ZMYND11: variants seen among roughly 807,000 people sequenced by gnomAD.
The protein encoded by ZMYND11 is zinc finger MYND-type containing 11.
In ZMYND11, 9 loss-of-function variants were observed where a neutral mutation model predicts 84.9. The observed-to-expected ratio is 0.11, with a 90% CI of 0.06 to 0.18. The LOEUF (loss-of-function observed/expected upper bound fraction) is 0.18, where lower values mean the gene tolerates loss of function less well. Among genes scored for constraint, ZMYND11 ranks in the 10% least tolerant of loss-of-function variants. ZMYND11 has a pLI of 1.00. For synonymous variants in ZMYND11, 250 were observed against 244.1 expected (o/e 1.02, Z -0.23); for missense variants, 409 against 761.0 (o/e 0.54, Z 5.44).
chr10:239,539 G>GTGAT lies in ZMYND11; in HGVS notation c.697+15_697+16insGATT. On this transcript the variant is annotated intron_variant, in intron 7 of 14. Transcript: ENST00000381604. ...TTTTCTATGGAGGTTGAATATTTTT[G>GTGAT]TTTTTTTTGTATGCATTTTTAAACA... 1 of 1,472,784 alleles carries GTGAT rather than the reference G, an allele frequency of 6.8e-7. No homozygotes were observed. The highest frequency in any genetic ancestry group is 9.3e-7 in the Non-Finnish European group (1 of 1,077,148). 91.2% of individuals were successfully genotyped at this position (1,472,784 alleles called of 1,614,324 possible).
chr10:245,020 A>C (rs1951832857), intron 10 of ZMYND11, among the ~76,000 whole-genome samples: 1 of 152,202 alleles, frequency 6.6e-6, no homozygotes, highest in South Asian at 2.1e-4. Flanking sequence ...TTGAATTCCT[A>C]CTACATAATA....
chr10:252,832 G>C lies in ZMYND11; in HGVS notation c.*362G>C, dbSNP rs1427620711. The C allele has an allele frequency of 5.6e-6, 1 of 177,116 alleles. No individual in the cohort carries two copies. Among genetic ancestry groups the C allele is most frequent in the Non-Finnish European group, 1.2e-5 (1 of 83,576 alleles). 11.0% of individuals were successfully genotyped at this position (177,116 alleles called of 1,614,324 possible). The stretch of plus-strand genomic sequence containing the variant: ...GTTTAACAAAGAAACATTTAGAATA[G>C]ATCTGAATGTAAGAACTACAGAACT... On this transcript the variant is annotated 3_prime_UTR_variant, in exon 15 of 15. Transcript: ENST00000381604. The surrounding 1 kb of genome is among the most constrained non-coding windows in gnomAD (Gnocchi z 4.6).
intron 14 of ZMYND11, chr10:249,717 GAA>G: frequency 1.0e-6 from 1 of 985,314 alleles, no homozygotes. Context: ...GTGAATTAGG[GAA>G]AAGTTTTGCT....
chr10:238,980 A>C (rs547807339), intron 6 of ZMYND11, among the ~76,000 whole-genome samples: 2 of 152,328 alleles, frequency 1.3e-5, no homozygotes, highest in East Asian at 3.9e-4. Context: ...GCCCCAATTC[A>C]GAACTATAAA....
At chr10:182,269 T>C (rs1373958547) in intron 2 of ZMYND11, among the ~76,000 whole-genome samples, 1 of 152,214 alleles carries the variant, frequency 6.6e-6, no homozygotes, top group Non-Finnish European at 1.5e-5. Context: ...TGTGTACATG[T>C]ATACACATGT....
chr10:168,551 A>G (rs1362826234), intron 1 of ZMYND11, among the ~76,000 whole-genome samples: 1 of 152,148 alleles, frequency 6.6e-6, no homozygotes, highest in Admixed American at 6.6e-5. Context: ...CTTCAGGGAA[A>G]CATTCTGTAT....
intron 2 of ZMYND11, among the ~76,000 whole-genome samples, chr10:183,549 G>A (rs1848323686): frequency 6.6e-6 from 1 of 152,048 alleles, no homozygotes; most frequent in African/African-American, 2.4e-5. Flanking sequence ...TTTTCTAACT[G>A]GACTGCTTCT....
intron 2 of ZMYND11, among the ~76,000 whole-genome samples, chr10:184,199 T>C (rs1848463466): frequency 6.6e-6 from 1 of 152,186 alleles, no homozygotes; most frequent in Admixed American, 6.5e-5. Flanking sequence ...TAGAATCTCG[T>C]GTAGTCAGTT....
At chr10:249,567 G>A in intron 14 of ZMYND11, 1 of 984,998 alleles carries the variant, frequency 1.0e-6, no homozygotes, top group Non-Finnish European at 1.2e-6. Flanking sequence ...CATCTCATTG[G>A]TCTCTAACTA....
At chr10:249,245 G>A in intron 14 of ZMYND11, 157 bp downstream of exon 14, 2 of 1,456,474 alleles carry the variant, frequency 1.4e-6, no homozygotes, top group Non-Finnish European at 1.8e-6. Context: ...TTTATTAAAA[G>A]TCCTATGATC....
chr10:205,958 C>A (rs1944059043), intron 2 of ZMYND11, among the ~76,000 whole-genome samples: 1 of 149,606 alleles, frequency 6.7e-6, no homozygotes, highest in Admixed American at 6.7e-5. Context: ...GTCTTCTGGA[C>A]CTATTAAAGG....
At chr10:162,476 A>T (rs1393126388) in intron 1 of ZMYND11, among the ~76,000 whole-genome samples, 1 of 152,018 alleles carries the variant, frequency 6.6e-6, no homozygotes, top group Non-Finnish European at 1.5e-5. Flanking sequence ...CTTGCGGAGC[A>T]CAATAAAGCA....
In ZMYND11 at chr10:237,452, G is replaced by A. The variant is rs544483156; in HGVS notation, c.517-133G>A. 1.5e-5 allele frequency: 8 copies of A among 523,342 alleles called. No individual in the cohort carries two copies. In the South Asian group the frequency reaches 2.3e-4, roughly 15 times the overall value. The allele number at this position is 523,342 out of a possible 1,614,324, so 32.4% of individuals were successfully genotyped here. On this transcript the variant is annotated intron_variant, in intron 5 of 14. Transcript: ENST00000381604. ...GAGCCCAGGAGTTCAAGACCAGCCT[G>A]GGCAAGATGGCAAGACCCTGTCTCT...
chr10:239,317 G>T lies in ZMYND11; in HGVS notation c.610-121G>T. The T allele has an allele frequency of 4.0e-6, 3 of 744,092 alleles. No homozygotes were observed. The South Asian group carries it at 5.5e-5, about 14-fold the overall frequency. The allele number at this position is 744,092 out of a possible 1,614,324, so 46.1% of individuals were successfully genotyped here. On this transcript the variant is annotated intron_variant, in intron 6 of 14. Coordinates refer to ENST00000381604, the MANE Select transcript of ZMYND11 (RefSeq NM_001370100.5). ...TTTACACACATTCTCTGTCAATACTGTGGGATGGCAGTAGTCATCCTGATG... is the reference window on the plus strand; with the variant it reads ...TTTACACACATTCTCTGTCAATACTTTGGGATGGCAGTAGTCATCCTGATG...
chr10:166,125 A>G (rs1269292757), intron 1 of ZMYND11, among the ~76,000 whole-genome samples: 6 of 152,282 alleles, frequency 3.9e-5, no homozygotes, highest in Non-Finnish European at 5.9e-5. Context: ...TCAGTAACCT[A>G]AATATAAAAG....
intron 2 of ZMYND11, among the ~76,000 whole-genome samples, chr10:196,856 C>A (rs982286777): frequency 6.6e-6 from 1 of 152,174 alleles, no homozygotes; most frequent in African/African-American, 2.4e-5. Flanking sequence ...AAAAGGGGAA[C>A]TATTAATAGT....
At chr10:157,658 G>GT (rs1292744830) in intron 1 of ZMYND11, among the ~76,000 whole-genome samples, 2 of 152,112 alleles carry the variant, frequency 1.3e-5, no homozygotes, top group African/African-American at 4.8e-5. Context: ...TTCTTTGTAA[G>GT]TTCATAATTT....
chr10:200,230 TATA>T (rs1293461312), intron 2 of ZMYND11, among the ~76,000 whole-genome samples: 2 of 9,586 alleles, frequency 2.1e-4, no homozygotes, highest in Non-Finnish European at 1.6e-3. Context: ...GTGTGTATAA[TATA>T]TATAAAAATA....
intron 2 of ZMYND11, among the ~76,000 whole-genome samples, chr10:192,625 G>A (rs1940745217): frequency 6.6e-6 from 1 of 152,242 alleles, no homozygotes; most frequent in African/African-American, 2.4e-5. Flanking sequence ...GCACACAGGT[G>A]CCTAATCTGA....
Sources: gnomAD v4.1 joint callset for allele counts (sites outside exome capture counted in the v4.1 genomes callset) on GRCh38, gnomAD v4.1.1 for gene constraint, Gnocchi (gnomAD v3.1) non-coding constraint, MANE v1.5 for transcripts, NCBI Gene and HGNC (gene_info 2026-07-23, HGNC 2026-07-21) for gene names.